Variants in ANKRD12 observed in about 807,000 individuals in gnomAD.
ANKRD12 encodes the protein ankyrin repeat domain-containing protein 12.
ANKRD12 carries 85 observed loss-of-function variants against 183.4 expected under a neutral mutation model. The ratio of observed to expected loss-of-function variants is 0.46; its 90% CI spans 0.39 to 0.56. The LOEUF is 0.56. ANKRD12 is among the 20% of genes least tolerant of loss of function. The pLI is 0.00. For synonymous variants in ANKRD12, 914 were observed against 800.2 expected, an observed-to-expected ratio of 1.14 and a Z score of -2.40; for missense variants, 2,405 against 2,357.1, an observed-to-expected ratio of 1.02 and a Z score of -0.42.
chr18:9,257,419 T>G lies in ANKRD12; in HGVS notation c.4152T>G (p.Ala1384=). The G allele has an allele frequency of 6.2e-7, 1 of 1,614,152 alleles. No homozygotes were observed. Reference sequence around the variant, plus strand: ...CTTCAAACAGCAAGTATGTTTCAGCTGATAGAAATCTCATCAAGAATACTG... The same window carrying G: ...CTTCAAACAGCAAGTATGTTTCAGCGGATAGAAATCTCATCAAGAATACTG... The part of the protein sequence containing the change: ...TGASNSKYVS[A]DRNLIKNTAP... The change falls in exon 9 of 13, where the codon GCT becomes GCG. Residue 1384 remains alanine (A), a synonymous_variant. Transcript: ENST00000262126.
rs766579592 is a variant in ANKRD12 at position 9,256,644 on chromosome 18, C to G, written c.3377C>G (p.Thr1126Arg). 3 of 1,605,646 alleles carry G rather than the reference C, an allele frequency of 1.9e-6. No homozygotes were observed. The Admixed American group carries it at 5.3e-5, about 29-fold the overall frequency. The change falls in exon 9 of 13, where the codon ACA (threonine) becomes AGA (arginine). Residue 1126 changes from threonine (T) to arginine (R), a missense_variant. Physicochemically the swap from Thr to Arg is moderately conservative, Grantham distance 71. This residue lies in a region of ANKRD12 where 1,983 missense variants were observed against 1,725.9 expected (regional missense o/e 1.15). Coordinates refer to ENST00000262126, the MANE Select transcript of ANKRD12 (RefSeq NM_015208.5). ...CTTAAAATAAAAGATAAAGAAAAAA[C>G]AAAGCATACACCAACTGAATCCAAA... ...LELKIKDKEK[T>R]KHTPTESKNK...
intron 1 of ANKRD12, among the ~76,000 whole-genome samples, chr18:9,161,921 GAC>G (rs1295908488): frequency 6.6e-6 from 1 of 151,970 alleles, no homozygotes; most frequent in Admixed American, 6.6e-5. Context: ...GGAGTGCAGT[GAC>G]ACAATCATAG....
intron 8 of ANKRD12, among the ~76,000 whole-genome samples, chr18:9,224,023 T>C (rs1200350606): frequency 2.0e-5 from 3 of 152,108 alleles, no homozygotes; most frequent in Non-Finnish European, 2.9e-5. Context: ...TTCTAAGTAT[T>C]ATATAAAGAA....
chr18:9,215,778 A>G (rs1404768434), intron 6 of ANKRD12, among the ~76,000 whole-genome samples: 1 of 152,184 alleles, frequency 6.6e-6, no homozygotes, highest in Middle Eastern at 3.2e-3. Context: ...GAACCAGTCA[A>G]GGAAATCATG....
At chr18:9,275,262 T>C (rs568028905) in intron 10 of ANKRD12, among the ~76,000 whole-genome samples, 49 of 151,928 alleles carry the variant, frequency 3.2e-4, no homozygotes, top group Non-Finnish European at 6.5e-4. Context: ...CCCAGGATTT[T>C]GAAACCAGTT....
chr18:9,252,152 A>C lies in ANKRD12; in HGVS notation c.944-2059A>C, dbSNP rs192655807. ...AGCAGTCATCTACTAAGAAAGGCAG[A>C]ACAAACATTTTTTGAAGAGTTACTG... is the stretch of plus-strand genomic sequence containing the variant. On this transcript the variant is annotated intron_variant, in intron 8 of 12. Coordinates refer to ENST00000262126, the MANE Select transcript of ANKRD12 (RefSeq NM_015208.5). Among the ~76,000 whole-genome samples the C allele has an allele frequency of 1.4e-3, 211 of 152,352 alleles. 1 individual carries two copies. The highest frequency in any genetic ancestry group is 4.9e-3 in the African/African-American group (205 of 41,588).
At chr18:9,177,479 A>T (rs2033366419) in intron 1 of ANKRD12, among the ~76,000 whole-genome samples, 1 of 152,186 alleles carries the variant, frequency 6.6e-6, no homozygotes, top group Admixed American at 6.5e-5. Context: ...TTTAGGGGAT[A>T]CATCTGATGT....
chr18:9,251,348 G>A (rs1028086042), intron 8 of ANKRD12, among the ~76,000 whole-genome samples: 1 of 152,202 alleles, frequency 6.6e-6, no homozygotes, highest in Non-Finnish European at 1.5e-5. Context: ...TAAGCCTAAG[G>A]ATAATAGAGA....
chr18:9,241,727 G>A (rs562949701), intron 8 of ANKRD12, among the ~76,000 whole-genome samples: 3 of 152,078 alleles, frequency 2.0e-5, no homozygotes, highest in South Asian at 4.2e-4. Flanking sequence ...TAACGTATGT[G>A]GTGTGCTTTA....
intron 1 of ANKRD12, among the ~76,000 whole-genome samples, chr18:9,146,009 T>G (rs2078480731): frequency 1.3e-5 from 2 of 152,124 alleles, no homozygotes. Flanking sequence ...GAATATGAGT[T>G]CAGGGAAAAG....
At chr18:9,185,879 G>A (rs1442416148) in intron 2 of ANKRD12, among the ~76,000 whole-genome samples, 1 of 152,188 alleles carries the variant, frequency 6.6e-6, no homozygotes, top group African/African-American at 2.4e-5. Flanking sequence ...CTTGATGAAA[G>A]TAGTTTGCGT....
intron 2 of ANKRD12, among the ~76,000 whole-genome samples, chr18:9,192,695 C>CT (rs950843370): frequency 2.9e-4 from 37 of 126,794 alleles, no homozygotes; most frequent in Admixed American, 1.8e-3. Flanking sequence ...ATGGATTTAT[C>CT]TTTTTTTTTC....
intron 1 of ANKRD12, among the ~76,000 whole-genome samples, chr18:9,140,682 A>T (rs1384646390): frequency 6.6e-6 from 1 of 152,192 alleles, no homozygotes. Flanking sequence ...TATATCTGAA[A>T]TATTCAGAAA....
intron 5 of ANKRD12, among the ~76,000 whole-genome samples, chr18:9,209,998 T>C (rs2035701111): frequency 6.6e-6 from 1 of 152,128 alleles, no homozygotes; most frequent in Non-Finnish European, 1.5e-5. Context: ...TCTTTTGTTA[T>C]GGGTTAATTT....
intron 1 of ANKRD12, among the ~76,000 whole-genome samples, chr18:9,162,636 A>G (rs150560774): frequency 1.3e-5 from 2 of 152,306 alleles, no homozygotes; most frequent in African/African-American, 2.4e-5. Context: ...GCTGTCTTCC[A>G]CAATAGTTGA....
At chr18:9,247,742 G>T (rs1489112399) in intron 8 of ANKRD12, among the ~76,000 whole-genome samples, 1 of 151,992 alleles carries the variant, frequency 6.6e-6, no homozygotes, top group African/African-American at 2.4e-5. Flanking sequence ...TTTTCCCAGA[G>T]TCTGGATTTT....
At chr18:9,247,782 T>TTTTTGTTTTG (rs201710394) in intron 8 of ANKRD12, among the ~76,000 whole-genome samples, 2,013 of 151,422 alleles carry the variant, frequency 0.013, 20 homozygotes, top group African/African-American at 0.029. Context: ...TTTTGGGGTT[T>TTTTTGTTTTG]TTTTGTTTTG....
chr18:9,156,149 A>AG (rs1568229126), intron 1 of ANKRD12, among the ~76,000 whole-genome samples: 2 of 151,134 alleles, frequency 1.3e-5, no homozygotes, highest in African/African-American at 4.9e-5. Context: ...AAAAAAAAAA[A>AG]AAAAAAGAAA....
At chr18:9,253,606 C>T (rs1452151153) in intron 8 of ANKRD12, among the ~76,000 whole-genome samples, 1 of 152,166 alleles carries the variant, frequency 6.6e-6, no homozygotes, top group African/African-American at 2.4e-5. Flanking sequence ...AGATTGATTC[C>T]ATATCTTGGC....
Sources: allele counts gnomAD v4.1 joint callset (sites outside exome capture counted in the v4.1 genomes callset), GRCh38; gene constraint gnomAD v4.1.1; regional missense constraint gnomAD v4.1.1; transcripts MANE v1.5; gene names NCBI Gene and HGNC (gene_info 2026-07-23, HGNC 2026-07-21).